Variants in CLTCL1 observed in about 807,000 individuals in gnomAD.
The protein encoded by CLTCL1 is clathrin heavy chain 2.
In CLTCL1, 159 loss-of-function variants were observed where a neutral mutation model predicts 190.0. The observed-to-expected ratio is 0.84, with a 90% CI of 0.74 to 0.95. The LOEUF is 0.95. CLTCL1 is among the 40% of genes least tolerant of loss of function. CLTCL1 has a pLI of 0.00. For synonymous variants in CLTCL1, 752 were observed against 769.6 expected, an observed-to-expected ratio of 0.98 and a Z score of 0.38; for missense variants, 1,878 against 2,033.4, an observed-to-expected ratio of 0.92 and a Z score of 1.47.
At chr22:19,235,585 CAG>C in intron 6 of CLTCL1, 109 bp downstream of exon 6, 1 of 993,908 alleles carries the variant, frequency 1.0e-6, no homozygotes, top group Admixed American at 2.3e-5. Context: ...AGTTTAATAA[CAG>C]GAACTATTAA....
rs1555952452 is a variant in CLTCL1, at chr22:19,221,604, G to C, written c.2569C>G (p.Leu857Val). 1 of 1,582,402 alleles carries C rather than the reference G, an allele frequency of 6.3e-7. No homozygotes were observed. The change falls in exon 17 of 33, where the codon CTG becomes GTG. Residue 857 changes from leucine to valine, a missense_variant. Coordinates refer to ENST00000427926, the MANE Select transcript of CLTCL1 (RefSeq NM_007098.4). Reference protein sequence around the residue: ...AEVEKRNRLKLLLPWLESQIQ... With the variant: ...AEVEKRNRLKVLLPWLESQIQ... ...TGGGACTCCAGCCAGGGAAGCAGCA[G>C]CTTGAGCCTTTGAAAGAAGGAAGGT...
At chr22:19,222,159 G>C in intron 15 of CLTCL1, 66 bp from the exon 16 acceptor site, 1 of 1,556,424 alleles carries the variant, frequency 6.4e-7, no homozygotes. Flanking sequence ...AGCCTCCTAC[G>C]ACGTGGACAG....
intron 24 of CLTCL1, among the ~76,000 whole-genome samples, 195 bp downstream of exon 24, chr22:19,199,539 G>A (rs1282052628): frequency 2.6e-5 from 4 of 152,214 alleles, no homozygotes; most frequent in African/African-American, 2.4e-5. Context: ...CCATGAGGTC[G>A]AGGATAGCTA....
At chr22:19,275,338 T>G (rs1253998875) in intron 2 of CLTCL1, among the ~76,000 whole-genome samples, 1 of 151,700 alleles carries the variant, frequency 6.6e-6, no homozygotes, top group Non-Finnish European at 1.5e-5. Context: ...CTGGGAAACA[T>G]GCACAGTGCT....
In CLTCL1 at chr22:19,242,948, T is replaced by G; in HGVS notation, c.520-12A>C. The G allele has an allele frequency of 6.2e-7, 1 of 1,608,214 alleles. No homozygotes were observed. Among genetic ancestry groups the G allele is most frequent in the Non-Finnish European group, 8.5e-7 (1 of 1,175,980 alleles). On this transcript the variant is annotated splice_polypyrimidine_tract_variant and intron_variant, in intron 3 of 32. Transcript: ENST00000427926. ...ACCACACGGTTTTGCTAAGAAAAGA[T>G]ATTATGCAATGAAAGGGAGAGAAAA... is the stretch of plus-strand genomic sequence containing the variant.
chr22:19,290,123 G>A (rs1601759775), intron 1 of CLTCL1, among the ~76,000 whole-genome samples: 2 of 152,288 alleles, frequency 1.3e-5, no homozygotes, highest in African/African-American at 4.8e-5. Context: ...AAATCCTGAT[G>A]GACATTAGAA....
intron 11 of CLTCL1, among the ~76,000 whole-genome samples, chr22:19,227,376 A>G (rs1348039490): frequency 7.0e-6 from 1 of 143,810 alleles, no homozygotes; most frequent in East Asian, 2.1e-4. Flanking sequence ...TTGACCTCCC[A>G]GGCTCAAGCA....
Position 19,191,533 on chromosome 22 carries a change from C to T in CLTCL1, c.4192-98G>A, listed in dbSNP as rs1242177802. On this transcript the variant is annotated intron_variant, in intron 26 of 32. Transcript: ENST00000427926. The stretch of plus-strand genomic sequence containing the variant: ...CTCAAATGACACTTTACTACTGAGG[C>T]CTGCCATGACTACCCCCTATAAGAC... 1.8e-5 allele frequency: 25 copies of T among 1,415,046 alleles called. No homozygotes were observed. The East Asian group carries it at 5.3e-4, about 30-fold the overall frequency. 87.7% of individuals were successfully genotyped at this position (1,415,046 alleles called of 1,614,324 possible).
Position 19,254,215 on chromosome 22 carries a change from A to G in CLTCL1, c.263T>C (p.Leu88Pro). The G allele has an allele frequency of 6.2e-7, 1 of 1,611,796 alleles. No homozygotes were observed. Reference sequence around the variant, plus strand: ...CTTCATCTCAATATTAAAGATCTGAAGTGTCTTCCCAGCTAGTATTTGATA... The same window carrying G: ...CTTCATCTCAATATTAAAGATCTGAGGTGTCTTCCCAGCTAGTATTTGATA... ...KVIALKAGKT[L>P]QIFNIEMKSK... The change falls in exon 3 of 33, where the codon CTT becomes CCT. Residue 88 changes from leucine (L) to proline (P), a missense_variant. By Grantham distance (98) the Leu-to-Pro change is moderately conservative (BLOSUM62 -3). Transcript: ENST00000427926.
chr22:19,210,194 A>G, intron 20 of CLTCL1, 132 bp downstream of exon 20: 1 of 816,962 alleles, frequency 1.2e-6, no homozygotes, highest in East Asian at 2.8e-5. Flanking sequence ...GGTGAGGAAC[A>G]GAGAAGAGCA....
At chr22:19,234,223 G>A (rs1301764651) in intron 7 of CLTCL1, among the ~76,000 whole-genome samples, 9 of 152,060 alleles carry the variant, frequency 5.9e-5, no homozygotes, top group African/African-American at 2.2e-4. Context: ...TAGCAAGAGT[G>A]GAAAATGCTA....
Position 19,234,494 on chromosome 22 carries a change from T to C in CLTCL1, c.1167+15A>G. The stretch of plus-strand genomic sequence containing the variant: ...TAACACTCAGAACACTTGAACAGTA[T>C]TCAAGGTTTATCACCTTTGGTGCAG... On this transcript the variant is annotated intron_variant, in intron 7 of 32. Transcript: ENST00000427926. 1 of 1,602,500 alleles carries C rather than the reference T, an allele frequency of 6.2e-7. No homozygotes were observed. Among genetic ancestry groups the C allele is most frequent in the Non-Finnish European group, 8.5e-7 (1 of 1,173,586 alleles).
intron 2 of CLTCL1, among the ~76,000 whole-genome samples, chr22:19,273,508 C>G (rs2087391579): frequency 6.6e-6 from 1 of 152,100 alleles, no homozygotes; most frequent in Non-Finnish European, 1.5e-5. Context: ...GGACATAAAC[C>G]ACCTTGGAGA....
chr22:19,220,599 A>T (rs1257940119), intron 17 of CLTCL1, among the ~76,000 whole-genome samples: 1 of 152,226 alleles, frequency 6.6e-6, no homozygotes, highest in African/African-American at 2.4e-5. Context: ...TAGCGTGTGC[A>T]GCACTTGCTA....
At chr22:19,230,093 C>CTTT (rs781897392) in intron 10 of CLTCL1, 118 bp from the exon 11 acceptor site, 1 of 741,874 alleles carries the variant, frequency 1.3e-6, no homozygotes, top group Non-Finnish European at 1.9e-6. Flanking sequence ...TAGTTCCCTC[C>CTTT]CTTGGTTTTT....
At chr22:19,281,294 CAAAA>C (rs361827) in intron 1 of CLTCL1, among the ~76,000 whole-genome samples, 16 of 116,482 alleles carry the variant, frequency 1.4e-4, no homozygotes, top group Non-Finnish European at 2.0e-4. Flanking sequence ...GACCCTGTCT[CAAAA>C]AAAAAAAAAA....
intron 29 of CLTCL1, chr22:19,184,769 C>G: frequency 2.9e-6 from 1 of 340,160 alleles, no homozygotes; most frequent in South Asian, 2.2e-5. Context: ...CCAGTAGAAG[C>G]AGCCCCCAGG....
chr22:19,223,718 G>A (rs1381714315), intron 14 of CLTCL1, among the ~76,000 whole-genome samples, 173 bp downstream of exon 14: 2 of 152,192 alleles, frequency 1.3e-5, no homozygotes, highest in Non-Finnish European at 1.5e-5. Flanking sequence ...CTCTTAAAAC[G>A]ATAGAAGGGT....
chr22:19,278,040 T>C (rs1312727292), intron 1 of CLTCL1, among the ~76,000 whole-genome samples: 1 of 152,132 alleles, frequency 6.6e-6, no homozygotes, highest in Non-Finnish European at 1.5e-5. Flanking sequence ...CAAAGGATAC[T>C]GATGAACCGC....
Sources: gnomAD v4.1 joint callset for allele counts (sites outside exome capture counted in the v4.1 genomes callset) on GRCh38, gnomAD v4.1.1 for gene constraint, MANE v1.5 for transcripts, NCBI Gene and HGNC (gene_info 2026-07-23, HGNC 2026-07-21) for gene names.